Variants in SNX8 observed in about 807,000 individuals in gnomAD.
SNX8 encodes the protein sorting nexin 8.
In SNX8, 25 loss-of-function variants were observed where a neutral mutation model predicts 51.6. That is an observed-to-expected ratio of 0.48 (90% CI 0.35 to 0.68). The LOEUF is 0.68. Ranked by LOEUF, SNX8 falls within the 30% of genes least tolerant of loss-of-function variation. The probability of loss-of-function intolerance (pLI) is 0.00; values close to 1 mark genes in which losing one functional copy is unlikely to be tolerated. For synonymous variants in SNX8, 324 were observed against 277.0 expected (o/e 1.17, Z -1.68); for missense variants, 695 against 624.0 (o/e 1.11, Z -1.21).
At chr7:2,345,037 G>T (rs1015261748) in intron 1 of SNX8, among the ~76,000 whole-genome samples, 1 of 152,100 alleles carries the variant, frequency 6.6e-6, no homozygotes. Context: ...AGATACTTTG[G>T]AGAACAACTT....
chr7:2,312,195 G>C (rs1796671279), intron 1 of SNX8, among the ~76,000 whole-genome samples: 1 of 152,078 alleles, frequency 6.6e-6, no homozygotes, highest in Non-Finnish European at 1.5e-5. Flanking sequence ...CCACACCAAA[G>C]GGAGGGCGGT....
At chr7:2,303,070 C>A (rs1360516447) in intron 1 of SNX8, among the ~76,000 whole-genome samples, 1 of 148,738 alleles carries the variant, frequency 6.7e-6, no homozygotes, top group Non-Finnish European at 1.5e-5. Context: ...GAGGTCAGCC[C>A]CCCACCCGGC....
At chr7:2,352,760 C>T (rs1397149149) in intron 1 of SNX8, among the ~76,000 whole-genome samples, 9 of 151,956 alleles carry the variant, frequency 5.9e-5, no homozygotes, top group Non-Finnish European at 2.9e-5. Context: ...GGCGTGAACC[C>T]GGGAGGTGGA....
chr7:2,277,023 C>T (rs772159811), intron 2 of SNX8, among the ~76,000 whole-genome samples: 57 of 152,264 alleles, frequency 3.7e-4, no homozygotes, highest in Non-Finnish European at 7.5e-4. Flanking sequence ...AAGCCCCTGG[C>T]AGTGCCGTCC....
chr7:2,294,377 C>T (rs942140133), intron 1 of SNX8, among the ~76,000 whole-genome samples: 1 of 152,214 alleles, frequency 6.6e-6, no homozygotes, highest in Non-Finnish European at 1.5e-5. Context: ...GTCACCAGTA[C>T]TGGCAAGGAC....
intron 1 of SNX8, among the ~76,000 whole-genome samples, chr7:2,333,284 T>C (rs960233500): frequency 3.3e-5 from 5 of 152,108 alleles, no homozygotes; most frequent in Non-Finnish European, 7.4e-5. Context: ...AAAATTTGGC[T>C]GGGCGCAGTG....
At chr7:2,295,539 T>C (rs1796254290) in intron 1 of SNX8, among the ~76,000 whole-genome samples, 1 of 137,868 alleles carries the variant, frequency 7.3e-6, no homozygotes, top group Non-Finnish European at 1.5e-5. Flanking sequence ...ACCCTGTCTC[T>C]ACTAAAAATA....
rs549389422 is a variant in SNX8 at position 2,272,071 on chromosome 7, G to A, written c.419-100C>T. 5 of 1,518,908 alleles carry A rather than the reference G, an allele frequency of 3.3e-6. No homozygotes were observed. In the Admixed American group the frequency reaches 7.4e-5, roughly 23 times the overall value. The allele number at this position is 1,518,908 out of a possible 1,614,324, so 94.1% of individuals were successfully genotyped here. On this transcript the variant is annotated intron_variant, in intron 3 of 10. Coordinates refer to ENST00000222990, the MANE Select transcript of SNX8 (RefSeq NM_013321.4). Reference sequence around the variant, plus strand: ...AAACTCTCCCTAGAGGTGGCAGAGGGCCCAGCGGCTAGCAGAGGGCACTGG... The same window carrying A: ...AAACTCTCCCTAGAGGTGGCAGAGGACCCAGCGGCTAGCAGAGGGCACTGG...
At chr7:2,329,557 T>C (rs1778692829) in intron 1 of SNX8, among the ~76,000 whole-genome samples, 1 of 152,168 alleles carries the variant, frequency 6.6e-6, no homozygotes, top group African/African-American at 2.4e-5. Context: ...TGGTCTCCTT[T>C]TGCCTGCCCC....
intron 1 of SNX8, among the ~76,000 whole-genome samples, chr7:2,326,963 T>A (rs1258142166): frequency 6.6e-6 from 1 of 152,100 alleles, no homozygotes; most frequent in Non-Finnish European, 1.5e-5. Context: ...ATAAAAATTA[T>A]TTTTTAAAAA....
At chr7:2,270,037 CG>C (rs1280957361) in intron 4 of SNX8, among the ~76,000 whole-genome samples, 5 of 152,154 alleles carry the variant, frequency 3.3e-5, no homozygotes, top group Non-Finnish European at 1.5e-5. Flanking sequence ...CTTCCAAAAA[CG>C]CAATAGAACA....
rs376501981 is a variant in SNX8 at position 2,299,148 on chromosome 7, G to A, written c.94+15180C>T. Reference sequence around the variant, plus strand: ...TTGTTCTCATCAGGAACCAGACCACGCCTGAGGTTCCGTGGATGATTACAA... The same window carrying A: ...TTGTTCTCATCAGGAACCAGACCACACCTGAGGTTCCGTGGATGATTACAA... On this transcript the variant is annotated intron_variant, in intron 1 of 10. Transcript: ENST00000222990. 9.9e-5 allele frequency among the ~76,000 whole-genome samples: 15 copies of A among 151,948 alleles called. No homozygotes were observed. In the East Asian group the frequency reaches 1.2e-3, roughly 12 times the overall value.
intron 7 of SNX8, among the ~76,000 whole-genome samples, chr7:2,261,357 C>A (rs1200652076): frequency 6.6e-6 from 1 of 152,012 alleles, no homozygotes; most frequent in African/African-American, 2.4e-5. Flanking sequence ...CGCTTGAACC[C>A]GGGAGGCAGA....
chr7:2,313,739 G>A (rs898799037), intron 1 of SNX8, among the ~76,000 whole-genome samples: 1 of 152,150 alleles, frequency 6.6e-6, no homozygotes, highest in African/African-American at 2.4e-5. Flanking sequence ...GCACGCGCCC[G>A]TAGTCCCAGC....
At chr7:2,336,611 G>T in intron 1 of SNX8, among the ~76,000 whole-genome samples, 1 of 151,932 alleles carries the variant, frequency 6.6e-6, no homozygotes, top group Non-Finnish European at 1.5e-5. Flanking sequence ...GGGAGGCTGA[G>T]GTAGGAGAAT....
intron 1 of SNX8, among the ~76,000 whole-genome samples, chr7:2,346,737 CAAAAAAAAAAAAAA>C (rs143462126): frequency 1.5e-4 from 7 of 45,324 alleles, no homozygotes; most frequent in East Asian, 7.1e-4. Flanking sequence ...GACTCCGTCT[CAAAAAAAAAAAAAA>C]AAAAAAAAAC....
chr7:2,293,338 T>C (rs890556600), intron 1 of SNX8, among the ~76,000 whole-genome samples: 12 of 151,660 alleles, frequency 7.9e-5, no homozygotes, highest in Non-Finnish European at 1.6e-4. Flanking sequence ...CTAAAGAAGA[T>C]GCAGAAATGG....
intron 1 of SNX8, among the ~76,000 whole-genome samples, chr7:2,286,811 C>A (rs563266945): frequency 5.3e-4 from 80 of 152,122 alleles, no homozygotes; most frequent in African/African-American, 1.8e-3. Context: ...CCACCGCAAC[C>A]AGCCTAAATT....
intron 7 of SNX8, 52 bp from the exon 8 acceptor site, chr7:2,257,855 C>T (rs901659145): frequency 6.4e-7 from 1 of 1,555,212 alleles, no homozygotes; most frequent in African/African-American, 1.4e-5. Context: ...GACCCGGTCC[C>T]TGCCCGGGAA....
Sources: gnomAD v4.1 joint callset for allele counts (sites outside exome capture counted in the v4.1 genomes callset) on GRCh38, gnomAD v4.1.1 for gene constraint, MANE v1.5 for transcripts, NCBI Gene and HGNC (gene_info 2026-07-23, HGNC 2026-07-21) for gene names.